Variants in COL12A1 observed in about 807,000 individuals in gnomAD.
The protein encoded by COL12A1 is collagen type XII alpha 1 chain, also known as collagen alpha-1(XII) chain.
COL12A1 carries 114 observed loss-of-function variants against 349.7 expected under a neutral mutation model. The ratio of observed to expected loss-of-function variants is 0.33; its 90% CI spans 0.28 to 0.38. The LOEUF (loss-of-function observed/expected upper bound fraction) is 0.38. Among genes scored for constraint, COL12A1 ranks in the 10% least tolerant of loss-of-function variants. The pLI is 1.00. For missense variants in COL12A1, 3,284 were observed against 3,756.9 expected (o/e 0.87, Z 3.29); for synonymous variants, 1,369 against 1,329.0 (o/e 1.03, Z -0.66).
chr6:75,154,527 T>C lies in COL12A1; in HGVS notation c.3454A>G (p.Thr1152Ala), dbSNP rs1379018702. 6.2e-7 allele frequency: 1 copy of C among 1,609,994 alleles called. No individual in the cohort carries two copies. The highest frequency in any genetic ancestry group is 1.7e-5 in the Admixed American group (1 of 59,714). The change falls in exon 17 of 66, where the codon ACC becomes GCC. Residue 1152 changes from threonine (T) to alanine (A), a missense_variant. By Grantham distance (58) the Thr-to-Ala change is moderately conservative. Coordinates refer to ENST00000322507, the MANE Select transcript of COL12A1 (RefSeq NM_004370.6). ...VVLEELRAGTTYKVNVFGMFD... is the reference protein window; with the variant it reads ...VVLEELRAGTAYKVNVFGMFD... ...ATTCCAAAAACATTTACTTTATAGG[T>C]GGTACCAGCCCTAAAATGTTAAAGT...
intron 3 of COL12A1, 93 bp downstream of exon 3, chr6:75,194,738 C>T: frequency 1.3e-6 from 1 of 765,508 alleles, no homozygotes; most frequent in Non-Finnish European, 2.1e-6. Context: ...CTTCCTAAAG[C>T]ACAGCTTCTT....
rs921548893 is a variant in COL12A1 at position 75,146,251 on chromosome 6, A to G, written c.4418-7T>C. 3 of 1,590,192 alleles carry G rather than the reference A, an allele frequency of 1.9e-6. No individual in the cohort carries two copies. The highest frequency in any genetic ancestry group is 2.6e-6 in the Non-Finnish European group (3 of 1,171,366). On this transcript the variant is annotated splice_region_variant and splice_polypyrimidine_tract_variant and intron_variant, in intron 23 of 65. Coordinates refer to ENST00000322507, the MANE Select transcript of COL12A1 (RefSeq NM_004370.6). The stretch of plus-strand genomic sequence containing the variant: ...CTGACTACAGGCACTGGCACTTCCA[A>G]AACAGAAAAGCAGACCATCAGTCTA...
chr6:75,154,891 A>G (rs1367825175), intron 16 of COL12A1, among the ~76,000 whole-genome samples: 1 of 152,142 alleles, frequency 6.6e-6, no homozygotes, highest in African/African-American at 2.4e-5. Flanking sequence ...GGGCTTTAAG[A>G]AAATAATTGA....
intron 27 of COL12A1, among the ~76,000 whole-genome samples, chr6:75,141,366 T>C (rs1042568712): frequency 2.3e-4 from 35 of 152,308 alleles, no homozygotes; most frequent in African/African-American, 7.5e-4. Flanking sequence ...CAATAATGAC[T>C]GTGTTAAATA....
intron 60 of COL12A1, among the ~76,000 whole-genome samples, chr6:75,093,681 T>A (rs1046073862): frequency 3.9e-5 from 6 of 152,210 alleles, no homozygotes; most frequent in African/African-American, 1.4e-4. Context: ...TTTGGAGCAT[T>A]TTACAAATGC....
At position 75,156,478 on chromosome 6, in the gene COL12A1, T is replaced by C; in HGVS notation, c.3029A>G (p.Asn1010Ser). ...TGGTTTCCATGTAACTCTCATTGTG[T>C]TTTCTGTTTCTTCATCTACTTTCAG... ...KTLKVDEETE[N>S]TMRVTWKPAP... Residue 1010 changes from asparagine (N) to serine (S), a missense_variant, in exon 15 of 66, where the codon AAC (asparagine) becomes AGC (serine). Coordinates refer to ENST00000322507, the MANE Select transcript of COL12A1 (RefSeq NM_004370.6). The C allele has an allele frequency of 6.2e-7, 1 of 1,613,840 alleles. No individual in the cohort carries two copies. The highest frequency in any genetic ancestry group is 1.1e-5 in the South Asian group (1 of 91,076).
At position 75,113,291 on chromosome 6, in the gene COL12A1, G is replaced by A. The variant is rs1768924231; in HGVS notation, c.7863C>T (p.Phe2621=). The change falls in exon 51 of 66, where the codon TTC becomes TTT. Residue 2621 remains phenylalanine (F), a synonymous_variant. Transcript: ENST00000322507. The stretch of plus-strand genomic sequence containing the variant: ...CCTCGCCTCTTGTATCCTTGTTAAA[G>A]AATGATAACGTCTTGCTAGAAGCTG... ...IADPSSKTLS[F]FNKDTRGEVQ... is the part of the protein sequence containing the mutation. The A allele has an allele frequency of 1.3e-6, 2 of 1,555,760 alleles. No homozygotes were observed. The highest frequency in any genetic ancestry group is 1.7e-4 in the Middle Eastern group (1 of 5,926).
In COL12A1 at chr6:75,135,034, C is replaced by T. The variant is rs533341424; in HGVS notation, c.5395-179G>A. ...ATAACTTCAAATGTAAAATATGCAC[C>T]TCAAATCATAAAAAGGATTCCAAGC... On this transcript the variant is annotated intron_variant, in intron 31 of 65. Transcript: ENST00000322507. Among the ~76,000 whole-genome samples the T allele has an allele frequency of 5.3e-5, 8 of 152,140 alleles. No homozygotes were observed. In the East Asian group the frequency reaches 5.8e-4, roughly 11 times the overall value.
rs537849575 is a variant in COL12A1, at chr6:75,171,223, AC to A, written c.2710+3814del. On this transcript the variant is annotated intron_variant, in intron 13 of 65. Transcript: ENST00000322507. ...GCTCTAACAACAACAGGGGAAAAAA[AC>A]AATGTAAATCAAACCTAATGATGTA... Among the ~76,000 whole-genome samples, 317 of 152,356 alleles carry A rather than the reference AC, an allele frequency of 2.1e-3. 2 individuals carry two copies. The highest frequency in any genetic ancestry group is 7.3e-3 in the African/African-American group (304 of 41,578).
Position 75,137,479 on chromosome 6 carries a change from C to T in COL12A1, c.5352G>A (p.Arg1784=), listed in dbSNP as rs1372127467. 25 of 1,613,336 alleles carry T rather than the reference C, an allele frequency of 1.5e-5. No individual in the cohort carries two copies. Among genetic ancestry groups the T allele is most frequent in the Non-Finnish European group, 2.0e-5 (24 of 1,179,758 alleles). The change falls in exon 31 of 66, where the codon AGG becomes AGA. Residue 1784 remains arginine, a synonymous_variant. Transcript: ENST00000322507. ...DPASGRVQKY[R]ITYQPSTGEG... ...CCCCTGTGGAAGGCTGATAAGTGAT[C>T]CTATATTTCTGCACACGACCACTAG...
chr6:75,166,704 T>C (rs1234350376), intron 13 of COL12A1, among the ~76,000 whole-genome samples: 4 of 152,174 alleles, frequency 2.6e-5, no homozygotes, highest in African/African-American at 9.6e-5. Context: ...GTAATTGTTG[T>C]ATATTCATGC....
intron 17 of COL12A1, 137 bp from the exon 18 acceptor site, chr6:75,152,619 A>G (rs1358804083): frequency 2.2e-6 from 2 of 889,880 alleles, no homozygotes; most frequent in African/African-American, 1.7e-5. Context: ...GATGTGGAGT[A>G]TAAGACTCTG....
At position 75,121,366 on chromosome 6, in the gene COL12A1, T is replaced by G. The variant is rs1765720799; in HGVS notation, c.7022A>C (p.Lys2341Thr). 6.2e-7 allele frequency: 1 copy of G among 1,611,804 alleles called. No homozygotes were observed. Among genetic ancestry groups the G allele is most frequent in the Non-Finnish European group, 8.5e-7 (1 of 1,178,528 alleles). Residue 2341 changes from lysine (K) to threonine (T), a missense_variant, in exon 44 of 66, where the codon AAA becomes ACA. Coordinates refer to ENST00000322507, the MANE Select transcript of COL12A1 (RefSeq NM_004370.6). Reference sequence around the variant, plus strand: ...AGTATTGAAGATGAATTTTACAACTTTGTTAAAATTATCGTCCCCAATGCT... The same window carrying G: ...AGTATTGAAGATGAATTTTACAACTGTGTTAAAATTATCGTCCCCAATGCT... Reference protein sequence around the residue: ...SWSIGDDNFNKVVKFIFNTVG... With the variant: ...SWSIGDDNFNTVVKFIFNTVG...
At chr6:75,127,507 T>C (rs1476715358) in intron 38 of COL12A1, among the ~76,000 whole-genome samples, 1 of 152,144 alleles carries the variant, frequency 6.6e-6, no homozygotes, top group Non-Finnish European at 1.5e-5. Context: ...TTTTGGTGAA[T>C]GAAGTGTAAA....
intron 14 of COL12A1, among the ~76,000 whole-genome samples, chr6:75,156,870 A>C (rs892720632): frequency 6.6e-6 from 1 of 152,188 alleles, no homozygotes; most frequent in Non-Finnish European, 1.5e-5. Flanking sequence ...TTATCCAGTA[A>C]TAATGCTGTG....
chr6:75,158,630 A>T (rs1767876319), intron 14 of COL12A1, among the ~76,000 whole-genome samples: 1 of 152,182 alleles, frequency 6.6e-6, no homozygotes, highest in African/African-American at 2.4e-5. Flanking sequence ...TTATAACTAT[A>T]TTTCATATGT....
rs12198145 is a variant in COL12A1 at position 75,177,555 on chromosome 6, C to T, written c.2437+108G>A. 130,114 of 1,387,498 alleles carry T rather than the reference C, an allele frequency of 0.094. 8,601 individuals are homozygous for T. Among genetic ancestry groups the T allele is most frequent in the African/African-American group, 0.25 (16,947 of 69,100 alleles). The allele number at this position is 1,387,498 out of a possible 1,614,324, so 85.9% of individuals were successfully genotyped here. A position where few individuals can be genotyped will look rare whatever the true frequency, so the allele number is the denominator to read the frequency against. ...AGGACTATGGTCTAACATACTCAAA[C>T]AATTGAAACAAAGTGTCTCATTAGT... On this transcript the variant is annotated intron_variant, in intron 12 of 65. Coordinates refer to ENST00000322507, the MANE Select transcript of COL12A1 (RefSeq NM_004370.6).
In COL12A1 at chr6:75,150,631, G is replaced by T. The variant is rs139058633; in HGVS notation, c.4147+510C>A. On this transcript the variant is annotated intron_variant, in intron 21 of 65. Transcript: ENST00000322507. ...GCTCACACTAGGAAATTTAAAAAAG[G>T]TACCAAAACTGAGGAAAACAAGAGT... 1.4e-3 allele frequency among the ~76,000 whole-genome samples: 217 copies of T among 152,140 alleles called. 3 individuals are homozygous for T. The East Asian group carries it at 0.017, about 12-fold the overall frequency.
At chr6:75,097,219 A>G (rs759599939) in intron 59 of COL12A1, 34 bp downstream of exon 59, 9 of 1,602,980 alleles carry the variant, frequency 5.6e-6, no homozygotes, top group Non-Finnish European at 6.8e-6. Context: ...GGTGGGAGTG[A>G]AGGGCACAAA....
Sources: gnomAD v4.1 joint callset for allele counts (sites outside exome capture counted in the v4.1 genomes callset) on GRCh38, gnomAD v4.1.1 for gene constraint, MANE v1.5 for transcripts, NCBI Gene and HGNC (gene_info 2026-07-23, HGNC 2026-07-21) for gene names.